The following ANO1 variants were observed in gnomAD, a reference collection of about 807,000 sequenced individuals.
The protein encoded by ANO1 is anoctamin-1.
Under a neutral mutation model 124.0 loss-of-function variants are expected in ANO1, and 59 were observed. The observed-to-expected ratio is 0.48, with a 90% CI of 0.39 to 0.59. ANO1 has a LOEUF of 0.59. Ranked by LOEUF, ANO1 falls within the 20% of genes least tolerant of loss-of-function variation. The pLI, the probability that ANO1 is intolerant of heterozygous loss-of-function variation, is 0.00. For missense variants in ANO1, 1,059 were observed against 1,328.0 expected (o/e 0.80, Z 3.15); for synonymous variants, 529 against 532.0 (o/e 0.99, Z 0.08).
chr11:70,105,747 G>A lies in ANO1; in HGVS notation c.706G>A (p.Asp236Asn). 1 of 1,613,732 alleles carries A rather than the reference G, an allele frequency of 6.2e-7. No individual in the cohort carries two copies. The change falls in exon 5 of 26, where the codon GAT becomes AAT. Residue 236 changes from aspartate (D) to asparagine (N), a missense_variant. Physicochemically the swap from Asp to Asn is conservative, Grantham distance 23 (BLOSUM62 1). Transcript: ENST00000355303. ...REKQHLFDLS[D>N]KDSFFDSKTR... ...ATATTTCCACAGATTTGACTTGTCT[G>A]ATAAGGATTCCTTTTTCGACAGCAA...
intron 1 of ANO1, among the ~76,000 whole-genome samples, chr11:70,069,100 G>T (rs1857803972): frequency 6.6e-6 from 1 of 152,194 alleles, no homozygotes; most frequent in South Asian, 2.1e-4. Context: ...ACTCACAGAG[G>T]GCCCGGGGCC....
intron 25 of ANO1, among the ~76,000 whole-genome samples, chr11:70,186,001 A>G (rs1012885013): frequency 1.3e-5 from 2 of 152,150 alleles, no homozygotes; most frequent in African/African-American, 4.8e-5. Flanking sequence ...TGAAAGAGAC[A>G]GGGGCCAGGC....
At chr11:70,072,940 C>T (rs1186829835) in intron 1 of ANO1, 1 of 152,254 alleles carries the variant, frequency 6.6e-6, no homozygotes, top group Admixed American at 6.5e-5. Flanking sequence ...TGTATCATGT[C>T]TAGGGAGAAA....
At chr11:70,148,664 G>T (rs953719534) in intron 11 of ANO1, among the ~76,000 whole-genome samples, 1 of 152,190 alleles carries the variant, frequency 6.6e-6, no homozygotes, top group Non-Finnish European at 1.5e-5. Flanking sequence ...TCTGCAGGGA[G>T]AAGCGTTCAG....
At chr11:70,031,663 G>C (rs1857003632) in intron 1 of ANO1, among the ~76,000 whole-genome samples, 1 of 152,224 alleles carries the variant, frequency 6.6e-6, no homozygotes. Context: ...TGAGGGTACA[G>C]AGATGAGCAG....
chr11:70,067,453 G>A (rs1207790984), intron 1 of ANO1, among the ~76,000 whole-genome samples: 4 of 150,870 alleles, frequency 2.7e-5, no homozygotes, highest in Middle Eastern at 3.2e-3. Flanking sequence ...TCAGTCTCCC[G>A]AATAGCTTGG....
chr11:70,168,619 G>A (rs563188953), intron 21 of ANO1, among the ~76,000 whole-genome samples: 3 of 152,136 alleles, frequency 2.0e-5, no homozygotes, highest in Admixed American at 2.0e-4. Flanking sequence ...AGGCAGTCAG[G>A]AAGACTCCTG....
intron 1 of ANO1, among the ~76,000 whole-genome samples, chr11:69,994,994 T>A (rs1856231836): frequency 1.3e-5 from 2 of 152,208 alleles, no homozygotes; most frequent in Non-Finnish European, 2.9e-5. Flanking sequence ...GCAAAGATAG[T>A]ACAGAAAATT....
At chr11:70,041,803 T>C (rs1450591839) in intron 1 of ANO1, among the ~76,000 whole-genome samples, 1 of 152,146 alleles carries the variant, frequency 6.6e-6, no homozygotes, top group Non-Finnish European at 1.5e-5. Flanking sequence ...TAACCTGCAA[T>C]GTTTTCTTTC....
At chr11:70,077,404 G>A (rs571620603), upstream of ANO1, among the ~76,000 whole-genome samples, 24 of 152,210 alleles carry the variant, frequency 1.6e-4, no homozygotes, top group African/African-American at 5.5e-4. Context: ...GAGAGGCAGA[G>A]GGACACTTTA....
chr11:70,007,887 A>G (rs1478907800), intron 1 of ANO1, among the ~76,000 whole-genome samples: 1 of 152,182 alleles, frequency 6.6e-6, no homozygotes, highest in Non-Finnish European at 1.5e-5. Context: ...CAGTTTGTCC[A>G]CATCCTCATC....
At chr11:70,113,159 C>T (rs2045856311) in intron 7 of ANO1, among the ~76,000 whole-genome samples, 1 of 151,988 alleles carries the variant, frequency 6.6e-6, no homozygotes, top group African/African-American at 2.4e-5. Context: ...GCACCCACAC[C>T]ACGCCTGCCT....
chr11:69,978,180 G>T, the ANO1 span, among the ~76,000 whole-genome samples: 2 of 152,178 alleles, frequency 1.3e-5, no homozygotes, highest in African/African-American at 4.8e-5. Context: ...CTGGTTTCTG[G>T]AAGGGGGTGG....
At chr11:70,040,475 G>A (rs970518843) in intron 1 of ANO1, among the ~76,000 whole-genome samples, 5 of 152,256 alleles carry the variant, frequency 3.3e-5, no homozygotes, top group African/African-American at 4.8e-5. Flanking sequence ...AAAGGAGTTC[G>A]AGAGTGGCCT....
intron 2 of ANO1, among the ~76,000 whole-genome samples, chr11:70,099,396 G>A (rs1156766021): frequency 6.6e-6 from 1 of 152,174 alleles, no homozygotes; most frequent in Non-Finnish European, 1.5e-5. Flanking sequence ...TTCCCAGGGA[G>A]GCCAGCAGCA....
At chr11:70,011,829 G>A (rs540375882) in intron 1 of ANO1, among the ~76,000 whole-genome samples, 5 of 152,298 alleles carry the variant, frequency 3.3e-5, no homozygotes, top group South Asian at 4.1e-4. Context: ...TAGCAAAGTC[G>A]TTGTAAATAA....
At chr11:69,976,450 T>A in the ANO1 span, among the ~76,000 whole-genome samples, 1 of 139,946 alleles carries the variant, frequency 7.1e-6, no homozygotes, top group Non-Finnish European at 1.5e-5. Flanking sequence ...GAGCTCGCAG[T>A]GAGCCGAGAT....
Position 70,188,479 on chromosome 11 carries a change from G to A in ANO1, c.*475G>A, listed in dbSNP as rs564758699. The A allele has an allele frequency of 6.4e-5, 10 of 155,832 alleles. No individual in the cohort carries two copies. Among genetic ancestry groups the A allele is most frequent in the South Asian group, 4.0e-4 (2 of 5,048 alleles). 9.7% of individuals were successfully genotyped at this position (155,832 alleles called of 1,614,324 possible). Reference sequence around the variant, plus strand: ...CCACGCAAGAATAATGATTGATTCCGGTTCCAAAAGGTGTCACCTACCTGT... The same window carrying A: ...CCACGCAAGAATAATGATTGATTCCAGTTCCAAAAGGTGTCACCTACCTGT... On this transcript the variant is annotated 3_prime_UTR_variant, in exon 26 of 26. Transcript: ENST00000355303.
At chr11:70,052,950 T>A (rs2135087485) in intron 1 of ANO1, among the ~76,000 whole-genome samples, 1 of 152,314 alleles carries the variant, frequency 6.6e-6, no homozygotes, top group African/African-American at 2.4e-5. Context: ...CTCTTAGTAA[T>A]GTTTGGTGAT....
Sources: gnomAD v4.1 joint callset for allele counts (sites outside exome capture counted in the v4.1 genomes callset) on GRCh38, gnomAD v4.1.1 for gene constraint, MANE v1.5 for transcripts, NCBI Gene and HGNC (gene_info 2026-07-23, HGNC 2026-07-21) for gene names.